Variants in SEM1 observed in about 807,000 individuals in gnomAD.
SEM1 encodes 26S proteasome complex subunit SEM1.
SEM1 carries 3 observed loss-of-function variants against 12.7 expected under a neutral mutation model. The observed-to-expected ratio is 0.24, with a 90% confidence interval of 0.11 to 0.61. The LOEUF (loss-of-function observed/expected upper bound fraction) is 0.61, where lower values mean the gene tolerates loss of function less well. SEM1 is among the 20% of genes least tolerant of loss of function. The probability of loss-of-function intolerance (pLI) is 0.88; values close to 1 mark genes in which losing one functional copy is unlikely to be tolerated. For missense variants in SEM1, 59 were observed against 81.3 expected (o/e 0.73, Z 1.06); for synonymous variants, 30 against 27.8 (o/e 1.08, Z -0.25).
intron 2 of SEM1, chr7:96,486,126 T>C (rs1802745423): frequency 2.9e-6 from 3 of 1,018,186 alleles, no homozygotes; most frequent in Admixed American, 2.5e-5. Flanking sequence ...AGTTTTAGTA[T>C]CTGGTGTCAA....
chr7:96,670,799 C>T (rs1311275973), downstream of SEM1, among the ~76,000 whole-genome samples: 2 of 152,182 alleles, frequency 1.3e-5, no homozygotes, highest in Non-Finnish European at 2.9e-5. Flanking sequence ...GCTTGATTTA[C>T]AGAGAGCATG....
chr7:96,694,571 TTAC>T (rs1448373595), intron 2 of SEM1, among the ~76,000 whole-genome samples: 2 of 151,988 alleles, frequency 1.3e-5, no homozygotes, highest in Admixed American at 1.3e-4. Context: ...TGCTTCTATT[TTAC>T]TACCTTTGTA....
At chr7:96,603,411 A>G (rs1401684777) in intron 2 of SEM1, among the ~76,000 whole-genome samples, 1 of 152,192 alleles carries the variant, frequency 6.6e-6, no homozygotes, top group Non-Finnish European at 1.5e-5. Flanking sequence ...GCAGTGAGCT[A>G]TGGAGGAAGA....
intron 2 of SEM1, among the ~76,000 whole-genome samples, chr7:96,647,004 T>C (rs1808815542): frequency 6.6e-6 from 1 of 152,206 alleles, no homozygotes; most frequent in Non-Finnish European, 1.5e-5. Context: ...TGAGAAAAGC[T>C]GGAGAAGTGT....
At chr7:96,610,394 C>CGG (rs58042031) in intron 2 of SEM1, among the ~76,000 whole-genome samples, 3,001 of 152,140 alleles carry the variant, frequency 0.02, 85 homozygotes, top group African/African-American at 0.068. Flanking sequence ...CCACCAAGCC[C>CGG]GGGCTCCAGC....
At chr7:96,509,968 C>T (rs78123840) in intron 2 of SEM1, among the ~76,000 whole-genome samples, 5,219 of 151,940 alleles carry the variant, frequency 0.034, 300 homozygotes, top group African/African-American at 0.12. Context: ...GTTCTGGGGA[C>T]GGATGGTGGT....
intron 2 of SEM1, among the ~76,000 whole-genome samples, chr7:96,647,201 C>T (rs1285522957): frequency 6.6e-6 from 1 of 152,130 alleles, no homozygotes; most frequent in Non-Finnish European, 1.5e-5. Context: ...ACTGCATGCT[C>T]TCTTTACGTG....
intron 2 of SEM1, among the ~76,000 whole-genome samples, chr7:96,519,077 G>A (rs1804187850): frequency 6.6e-6 from 1 of 152,116 alleles, no homozygotes; most frequent in African/African-American, 2.4e-5. Context: ...AGGGGGTGAA[G>A]CATTTCACAT....
chr7:96,620,468 G>C (rs1216300429), downstream of SEM1, among the ~76,000 whole-genome samples: 2 of 152,186 alleles, frequency 1.3e-5, no homozygotes, highest in Non-Finnish European at 2.9e-5. Context: ...CCTTTCTGGA[G>C]CAATGTCTCT....
At chr7:96,557,913 G>A (rs1053993375) in intron 2 of SEM1, among the ~76,000 whole-genome samples, 13 of 152,294 alleles carry the variant, frequency 8.5e-5, no homozygotes, top group South Asian at 4.1e-4. Context: ...TTTTAAGGCC[G>A]TTGGAAAAGG....
chr7:96,545,155 T>C (rs1437516254), intron 2 of SEM1, among the ~76,000 whole-genome samples: 1 of 152,000 alleles, frequency 6.6e-6, no homozygotes. Flanking sequence ...CTTCCACTCA[T>C]GGTATTTGGG....
rs149993528 is a variant in SEM1 at position 96,598,161 on chromosome 7, A to T, written c.171-91463T>A. Among the ~76,000 whole-genome samples the T allele has an allele frequency of 9.8e-5, 15 of 152,302 alleles. No individual in the cohort carries two copies. The East Asian group carries it at 2.5e-3, about 25-fold the overall frequency. On this transcript the variant is annotated intron_variant and NMD_transcript_variant, in intron 2 of 3. Transcript: ENST00000466986. ...GCCAAACTATAAATACTTTCATTTG[A>T]ATTAAACTTTAAATTGTTATCTACC...
rs1438235949 is a variant in SEM1, at chr7:96,640,398, A to T, written c.171-17755T>A. ...AATGGACTATTTTCCAGTGCTAAAA[A>T]GAAATGAGCTACCAAGCCATGAAAA... is the stretch of plus-strand genomic sequence containing the variant. On this transcript the variant is annotated intron_variant, in intron 2 of 2. Transcript: ENST00000417009. This position sits in a 1 kb window ranked among gnomAD's most constrained non-coding sequence, Gnocchi z 4.0. Among the ~76,000 whole-genome samples, 4 of 152,158 alleles carry T rather than the reference A, an allele frequency of 2.6e-5. No individual in the cohort carries two copies. In the East Asian group the frequency reaches 7.7e-4, roughly 29 times the overall value.
rs568082519 is a variant in SEM1, at chr7:96,577,011, G to A, written c.171-70313C>T. Among the ~76,000 whole-genome samples, 383 of 152,168 alleles carry A rather than the reference G, an allele frequency of 2.5e-3. 1 individual carries two copies. Among genetic ancestry groups the A allele is most frequent in the Non-Finnish European group, 4.3e-3 (293 of 67,998 alleles). ...ATGTGCCTGTAATCCCAGCTACTCG[G>A]GAGGCTGAGGCAGGAGGATCGATTG... On this transcript the variant is annotated intron_variant and NMD_transcript_variant, in intron 2 of 3. Transcript: ENST00000466986.
intron 1 of SEM1, among the ~76,000 whole-genome samples, chr7:96,700,942 GA>G (rs1233910495): frequency 1.3e-5 from 2 of 151,924 alleles, no homozygotes; most frequent in Non-Finnish European, 2.9e-5. Flanking sequence ...AGTACTTGTG[GA>G]AAAACATTTA....
Position 96,592,999 on chromosome 7 carries a change from T to TTA in SEM1, c.171-86302_171-86301insTA, listed in dbSNP as rs60512379. On this transcript the variant is annotated intron_variant and NMD_transcript_variant, in intron 2 of 3. Transcript: ENST00000466986. ...CCTCTCTGCTGTAATTCTCCCATAT[T>TTA]AAAAAAAAAAAAAAAAAAAAAGGCA... is the stretch of plus-strand genomic sequence containing the variant. Among the ~76,000 whole-genome samples, 301 of 128,048 alleles carry TTA rather than the reference T, an allele frequency of 2.4e-3. 13 individuals are homozygous for TTA. The highest frequency in any genetic ancestry group is 8.0e-3 in the Middle Eastern group (2 of 250). 84.0% of individuals were successfully genotyped at this position (128,048 alleles called of 152,430 possible).
chr7:96,651,406 C>T (rs988539447), intron 2 of SEM1, among the ~76,000 whole-genome samples: 6 of 144,946 alleles, frequency 4.1e-5, no homozygotes, highest in Non-Finnish European at 7.5e-5. Flanking sequence ...ATGCAATTCA[C>T]GTTAGGTAGA....
At chr7:96,518,291 G>A (rs1160542847) in intron 2 of SEM1, among the ~76,000 whole-genome samples, 1 of 151,960 alleles carries the variant, frequency 6.6e-6, no homozygotes, top group Non-Finnish European at 1.5e-5. Flanking sequence ...CTTAGCAATG[G>A]GCATAAAATA....
intron 2 of SEM1, among the ~76,000 whole-genome samples, chr7:96,517,031 T>A (rs1244993687): frequency 2.0e-5 from 3 of 152,112 alleles, no homozygotes; most frequent in Non-Finnish European, 4.4e-5. Context: ...GGTAAAACCA[T>A]GGAGACAATA....
Sources: gnomAD v4.1 joint callset for allele counts (sites outside exome capture counted in the v4.1 genomes callset) on GRCh38, gnomAD v4.1.1 for gene constraint, Gnocchi (gnomAD v3.1) non-coding constraint, MANE v1.5 for transcripts, NCBI Gene and HGNC (gene_info 2026-07-23, HGNC 2026-07-21) for gene names.